The following TMEM232 variants were observed in gnomAD, a reference collection of about 807,000 sequenced individuals.
TMEM232 encodes transmembrane protein 232.
In TMEM232, 80 loss-of-function variants were observed where a neutral mutation model predicts 78.8. The ratio of observed to expected loss-of-function variants is 1.01; its 90% CI spans 0.85 to 1.22. TMEM232 has a LOEUF of 1.22. Among genes scored for constraint, TMEM232 ranks in the 50% most tolerant of loss-of-function variants. The probability of loss-of-function intolerance (pLI) is 0.00; values close to 1 mark genes in which losing one functional copy is unlikely to be tolerated. For missense variants in TMEM232, 881 were observed against 742.2 expected (o/e 1.19, Z -2.17); for synonymous variants, 297 against 254.3 (o/e 1.17, Z -1.60).
chr5:110,607,558 G>A (rs2149837357), intron 8 of TMEM232, among the ~76,000 whole-genome samples: 1 of 152,088 alleles, frequency 6.6e-6, no homozygotes, highest in South Asian at 2.1e-4. Flanking sequence ...TTACATGAGT[G>A]TATACATTTG....
intron 10 of TMEM232, among the ~76,000 whole-genome samples, chr5:110,574,153 T>C (rs1777292099): frequency 6.6e-6 from 1 of 152,094 alleles, no homozygotes; most frequent in Non-Finnish European, 1.5e-5. Flanking sequence ...TTATTACCTA[T>C]AAGCTTCATG....
chr5:110,715,854 C>T (rs1580772695), intron 1 of TMEM232, among the ~76,000 whole-genome samples: 1 of 152,300 alleles, frequency 6.6e-6, no homozygotes, highest in South Asian at 2.1e-4. Context: ...TCTATTCTCT[C>T]TGAAGCCTGC....
chr5:110,616,637 G>T (rs1782957374), intron 8 of TMEM232, among the ~76,000 whole-genome samples: 2 of 151,990 alleles, frequency 1.3e-5, no homozygotes, highest in African/African-American at 4.8e-5. Context: ...GAAAAAATGG[G>T]TAAAGGACCT....
chr5:110,443,196 G>C (rs1188257092), intron 12 of TMEM232, among the ~76,000 whole-genome samples: 1 of 152,162 alleles, frequency 6.6e-6, no homozygotes, highest in African/African-American at 2.4e-5. Context: ...CTCCTGGGAA[G>C]GTCCAGAGAT....
At chr5:110,647,247 C>T (rs4957909) in intron 2 of TMEM232, among the ~76,000 whole-genome samples, 119,131 of 151,684 alleles carry the variant, frequency 0.79, 48,426 homozygotes, top group South Asian at 0.91. Flanking sequence ...TAGGTGACTG[C>T]GCATGTGGTA....
chr5:110,640,122 G>C (rs908005708), intron 4 of TMEM232, among the ~76,000 whole-genome samples: 3 of 152,184 alleles, frequency 2.0e-5, no homozygotes, highest in African/African-American at 7.2e-5. Flanking sequence ...CTTCTTGCTG[G>C]TAAACCAAGA....
At chr5:110,523,571 GT>G (rs1769879710) in intron 12 of TMEM232, among the ~76,000 whole-genome samples, 1 of 151,690 alleles carries the variant, frequency 6.6e-6, no homozygotes, top group Admixed American at 6.6e-5. Context: ...AGTATGTTTT[GT>G]TTTCATTTTC....
chr5:110,491,458 A>G (rs988043173), intron 12 of TMEM232, among the ~76,000 whole-genome samples: 2 of 152,052 alleles, frequency 1.3e-5, no homozygotes, highest in African/African-American at 2.4e-5. Flanking sequence ...AGGCAAATCC[A>G]CAGAAAAGAA....
At chr5:110,574,554 A>C (rs944745410) in intron 10 of TMEM232, among the ~76,000 whole-genome samples, 1 of 152,054 alleles carries the variant, frequency 6.6e-6, no homozygotes, top group South Asian at 2.1e-4. Flanking sequence ...CTTGGGCCAC[A>C]CTCTATCAGT....
At chr5:110,487,058 T>A (rs1319806498) in intron 12 of TMEM232, among the ~76,000 whole-genome samples, 3 of 152,022 alleles carry the variant, frequency 2.0e-5, no homozygotes, top group Non-Finnish European at 4.4e-5. Context: ...CCTAAGAATT[T>A]TTTTTTTGTA....
At chr5:110,407,455 G>A (rs944082057) in intron 2 of TMEM232, among the ~76,000 whole-genome samples, 14 of 151,994 alleles carry the variant, frequency 9.2e-5, no homozygotes, top group African/African-American at 3.4e-4. Flanking sequence ...TTGATAAAGG[G>A]GTCAATTTAG....
chr5:110,606,349 T>C (rs1561373947), intron 8 of TMEM232, 62 bp from the exon 9 acceptor site: 2 of 1,418,556 alleles, frequency 1.4e-6, no homozygotes, highest in East Asian at 5.1e-5. Context: ...ATAATCAACT[T>C]TTAATGTGAA....
intron 1 of TMEM232, among the ~76,000 whole-genome samples, chr5:110,697,312 G>A (rs1192467995): frequency 6.6e-6 from 1 of 152,158 alleles, no homozygotes; most frequent in East Asian, 1.9e-4. Flanking sequence ...ATGGATTAAA[G>A]ACTTACATGT....
At chr5:110,462,102 T>C (rs936642367) in intron 12 of TMEM232, among the ~76,000 whole-genome samples, 7 of 152,320 alleles carry the variant, frequency 4.6e-5, no homozygotes, top group South Asian at 2.1e-4. Flanking sequence ...AAGATAGTGA[T>C]TCTTATAATG....
At chr5:110,718,007 T>C (rs1797195733) in intron 1 of TMEM232, among the ~76,000 whole-genome samples, 1 of 152,126 alleles carries the variant, frequency 6.6e-6, no homozygotes, top group African/African-American at 2.4e-5. Flanking sequence ...AAAAGTATAT[T>C]GAATATTTTT....
chr5:110,713,717 A>G (rs538762198), intron 1 of TMEM232, among the ~76,000 whole-genome samples: 5 of 152,234 alleles, frequency 3.3e-5, no homozygotes, highest in Admixed American at 6.5e-5. Flanking sequence ...ATCTATGGAG[A>G]AAAAAGACAG....
chr5:110,521,296 A>AT (rs928820404), intron 12 of TMEM232, among the ~76,000 whole-genome samples: 3 of 152,244 alleles, frequency 2.0e-5, no homozygotes, highest in Admixed American at 1.3e-4. Context: ...TTTTTAACCT[A>AT]TTTTTAGTAG....
intron 10 of TMEM232, among the ~76,000 whole-genome samples, chr5:110,581,736 T>C (rs930370788): frequency 5.3e-5 from 8 of 151,366 alleles, no homozygotes; most frequent in Non-Finnish European, 7.4e-5. Flanking sequence ...ACCTACAAAA[T>C]GAGAGAAAAT....
intron 13 of TMEM232, among the ~76,000 whole-genome samples, chr5:110,423,072 C>T (rs1319335029): frequency 2.6e-5 from 4 of 152,148 alleles, no homozygotes; most frequent in Non-Finnish European, 4.4e-5. Flanking sequence ...GATAACCCTT[C>T]AACAAAAGTC....
Sources: allele counts gnomAD v4.1 joint callset (sites outside exome capture counted in the v4.1 genomes callset), GRCh38; gene constraint gnomAD v4.1.1; transcripts MANE v1.5; gene names NCBI Gene and HGNC (gene_info 2026-07-23, HGNC 2026-07-21).